DLG2: variants seen among roughly 807,000 people sequenced by gnomAD.
DLG2 encodes disks large homolog 2.
In DLG2, 45 loss-of-function variants were observed where a neutral mutation model predicts 132.5. That is an observed-to-expected ratio of 0.34 (90% CI 0.27 to 0.44). DLG2 has a LOEUF of 0.44. Among genes scored for constraint, DLG2 ranks in the 20% least tolerant of loss-of-function variants. The pLI is 1.00. For synonymous variants in DLG2, 424 were observed against 419.6 expected (o/e 1.01, Z -0.13); for missense variants, 1,045 against 1,196.9 (o/e 0.87, Z 1.87).
intron 19 of DLG2, among the ~76,000 whole-genome samples, chr11:83,545,975 C>G (rs971527007): frequency 1.3e-5 from 2 of 152,122 alleles, no homozygotes; most frequent in African/African-American, 4.8e-5. Flanking sequence ...ATCACAGCAA[C>G]TTTTATAAAA....
At chr11:83,948,311 T>C (rs1435878702) in intron 14 of DLG2, among the ~76,000 whole-genome samples, 2 of 152,244 alleles carry the variant, frequency 1.3e-5, no homozygotes, top group Middle Eastern at 3.4e-3. Flanking sequence ...GGGGTGGATA[T>C]TTAAATGTTT....
intron 3 of DLG2, among the ~76,000 whole-genome samples, chr11:85,392,425 T>TA (rs374219026): frequency 0.012 from 1,555 of 129,096 alleles, 20 homozygotes; most frequent in African/African-American, 0.038. Flanking sequence ...TTCACAAAAC[T>TA]AAAAAAAAAA....
At chr11:84,967,370 G>A (rs528818938) in intron 6 of DLG2, among the ~76,000 whole-genome samples, 1 of 152,220 alleles carries the variant, frequency 6.6e-6, no homozygotes, top group South Asian at 2.1e-4. Flanking sequence ...CAAAAAGGCT[G>A]CCAAGGTAGC....
chr11:84,110,705 G>A (rs906923275), intron 9 of DLG2, among the ~76,000 whole-genome samples: 1 of 152,164 alleles, frequency 6.6e-6, no homozygotes, highest in East Asian at 1.9e-4. Context: ...TAGGTCACTG[G>A]CTCAGAGGAG....
intron 7 of DLG2, among the ~76,000 whole-genome samples, chr11:84,382,277 A>C (rs2098751527): frequency 6.6e-6 from 1 of 152,124 alleles, no homozygotes; most frequent in Non-Finnish European, 1.5e-5. Flanking sequence ...AGGTAAAACC[A>C]CCAGACAGCT....
chr11:84,858,040 A>C (rs116753815), intron 6 of DLG2, among the ~76,000 whole-genome samples: 3,737 of 151,984 alleles, frequency 0.025, 177 homozygotes, highest in African/African-American at 0.086. Context: ...CCACAGGTAC[A>C]TGCCATCACA....
At chr11:85,021,642 G>A (rs2060077810) in intron 6 of DLG2, 8 of 1,214,324 alleles carry the variant, frequency 6.6e-6, no homozygotes, top group Admixed American at 5.1e-5. Flanking sequence ...TGTTGGTAAC[G>A]TTGCTAGCCA....
At position 84,059,399 on chromosome 11, in the gene DLG2, C is replaced by G. The variant is rs1270090856; in HGVS notation, c.835G>C (p.Gly279Arg). ...SKAVEALKEA[G>R]SIVRLYVRRR... ...CGCACATACAGCCGAACGATAGACC[C>G]TGCTTCCTTCAGGGCTTCCACCGCT... The change falls in exon 11 of 28, where the codon GGG becomes CGG. Residue 279 changes from glycine (G) to arginine (R), a missense_variant. This residue lies in a region of DLG2 where 109 missense variants were observed against 159.1 expected (regional missense o/e 0.69). Transcript: ENST00000376104. The G allele has an allele frequency of 1.2e-6, 2 of 1,613,422 alleles. No homozygotes were observed. The highest frequency in any genetic ancestry group is 2.7e-5 in the African/African-American group (2 of 74,844).
chr11:84,100,739 A>G (rs904391872), intron 9 of DLG2, among the ~76,000 whole-genome samples: 4 of 152,128 alleles, frequency 2.6e-5, no homozygotes, highest in African/African-American at 9.7e-5. Flanking sequence ...GTTATTTCAG[A>G]AAAAGTAATT....
At position 85,060,405 on chromosome 11, in the gene DLG2, TTA is replaced by T. The variant is rs375826116; in HGVS notation, c.357+51254_357+51255del. 2.3e-3 allele frequency among the ~76,000 whole-genome samples: 346 copies of T among 150,606 alleles called. 1 individual carries two copies. Among genetic ancestry groups the T allele is most frequent in the Non-Finnish European group, 3.2e-3 (219 of 67,440 alleles). On this transcript the variant is annotated intron_variant, in intron 6 of 27. Transcript: ENST00000376104. The stretch of plus-strand genomic sequence containing the variant: ...CACAAGATGTTATATATACATAACA[TTA>T]TATATGTGTGTGTATATATATGTGT...
intron 6 of DLG2, among the ~76,000 whole-genome samples, chr11:84,787,414 G>A (rs2073098371): frequency 6.6e-6 from 1 of 152,052 alleles, no homozygotes; most frequent in African/African-American, 2.4e-5. Flanking sequence ...TGCACAGAAG[G>A]CCTTTCCTTC....
chr11:85,188,333 G>C (rs1244380610), intron 4 of DLG2, among the ~76,000 whole-genome samples: 1 of 152,158 alleles, frequency 6.6e-6, no homozygotes, highest in Non-Finnish European at 1.5e-5. Context: ...CAGGGAAAGA[G>C]ATTACATAGA....
At chr11:84,589,762 C>G (rs1282492523) in intron 6 of DLG2, among the ~76,000 whole-genome samples, 1 of 152,150 alleles carries the variant, frequency 6.6e-6, no homozygotes, top group Non-Finnish European at 1.5e-5. Context: ...TCACCTCCGG[C>G]TATGGCACAA....
At chr11:84,840,039 C>A (rs1232435691) in intron 6 of DLG2, among the ~76,000 whole-genome samples, 1 of 151,888 alleles carries the variant, frequency 6.6e-6, no homozygotes, top group South Asian at 2.1e-4. Flanking sequence ...AAACTACCAT[C>A]GAGTGAACAG....
intron 7 of DLG2, among the ~76,000 whole-genome samples, chr11:84,502,296 T>C (rs369800184): frequency 1.7e-3 from 4 of 2,320 alleles, no homozygotes; most frequent in Non-Finnish European, 2.8e-3. Flanking sequence ...CTTTCTTTCT[T>C]TCTTTCTTTC....
At chr11:83,930,794 T>C (rs2080042524) in intron 14 of DLG2, among the ~76,000 whole-genome samples, 1 of 152,216 alleles carries the variant, frequency 6.6e-6, no homozygotes, top group African/African-American at 2.4e-5. Context: ...CTTGAAATTT[T>C]GTTCTCTCCC....
chr11:84,023,519 A>C (rs536183951), intron 11 of DLG2, among the ~76,000 whole-genome samples: 6 of 152,316 alleles, frequency 3.9e-5, no homozygotes, highest in African/African-American at 1.4e-4. Context: ...CAGCCAAGTA[A>C]ATAGTTTTAT....
At chr11:83,580,085 A>T (rs1247382512) in intron 19 of DLG2, among the ~76,000 whole-genome samples, 1 of 152,092 alleles carries the variant, frequency 6.6e-6, no homozygotes, top group Non-Finnish European at 1.5e-5. Context: ...AGAACTTCCA[A>T]TGTTTGTTGT....
chr11:83,564,008 A>T (rs1413819020), intron 19 of DLG2, among the ~76,000 whole-genome samples: 1 of 152,322 alleles, frequency 6.6e-6, no homozygotes, highest in Non-Finnish European at 1.5e-5. Context: ...AATAGCAGAT[A>T]ATTAGACTGT....
Sources: gnomAD v4.1 joint callset for allele counts (sites outside exome capture counted in the v4.1 genomes callset) on GRCh38, gnomAD v4.1.1 for gene constraint, gnomAD v4.1.1 regional missense constraint, MANE v1.5 for transcripts, NCBI Gene and HGNC (gene_info 2026-07-23, HGNC 2026-07-21) for gene names.